The following SNX29 variants were observed in gnomAD, a reference collection of about 807,000 sequenced individuals.
SNX29 encodes sorting nexin-29.
Under a neutral mutation model 102.1 loss-of-function variants are expected in SNX29, and 78 were observed. The ratio of observed to expected loss-of-function variants is 0.76; its 90% CI spans 0.64 to 0.92. The LOEUF (loss-of-function observed/expected upper bound fraction) is 0.92, where lower values mean the gene tolerates loss of function less well. Ranked by LOEUF, SNX29 falls within the 40% of genes least tolerant of loss-of-function variation. The probability of loss-of-function intolerance (pLI) is 0.00; values close to 1 mark genes in which losing one functional copy is unlikely to be tolerated. For missense variants in SNX29, 1,280 were observed against 1,061.7 expected (o/e 1.21, Z -2.86); for synonymous variants, 580 against 414.5 (o/e 1.40, Z -4.85).
chr16:12,363,582 C>T (rs368734143), intron 16 of SNX29, among the ~76,000 whole-genome samples: 13 of 152,306 alleles, frequency 8.5e-5, no homozygotes, highest in South Asian at 2.1e-4. Context: ...GTCCCATTTC[C>T]GACTCCGATC....
chr16:12,015,269 G>A (rs2056808888), intron 3 of SNX29, among the ~76,000 whole-genome samples: 4 of 151,756 alleles, frequency 2.6e-5, no homozygotes, highest in Non-Finnish European at 5.9e-5. Context: ...ATTTTTTGGA[G>A]ATGGTGTCTC....
rs753024013 is a variant in SNX29 at position 12,570,883 on chromosome 16, G to A, written c.*2254G>A. On this transcript the variant is annotated 3_prime_UTR_variant, in exon 21 of 21. Transcript: ENST00000566228. Reference sequence around the variant, plus strand: ...AACTGCCTCCTACTTTTATAATACTGAATTATTCACAAAAAACCTGGTCTG... The same window carrying A: ...AACTGCCTCCTACTTTTATAATACTAAATTATTCACAAAAAACCTGGTCTG... 4.3e-6 allele frequency: 1 copy of A among 231,308 alleles called. No individual in the cohort carries two copies. Among genetic ancestry groups the A allele is most frequent in the South Asian group, 1.8e-4 (1 of 5,494 alleles). The allele number at this position is 231,308 out of a possible 1,614,324, so 14.3% of individuals were successfully genotyped here.
chr16:12,491,688 C>T (rs1298900026), intron 19 of SNX29, among the ~76,000 whole-genome samples: 1 of 151,410 alleles, frequency 6.6e-6, no homozygotes. Flanking sequence ...CTTCCCCCAA[C>T]CCCACAACAG....
chr16:12,304,662 G>A (rs2080284255), intron 15 of SNX29, among the ~76,000 whole-genome samples: 1 of 152,196 alleles, frequency 6.6e-6, no homozygotes, highest in Middle Eastern at 3.4e-3. Context: ...CAAAGTGTTG[G>A]GATTACAGGT....
At chr16:11,998,338 A>G (rs930004803) in intron 1 of SNX29, among the ~76,000 whole-genome samples, 1 of 152,072 alleles carries the variant, frequency 6.6e-6, no homozygotes, top group African/African-American at 2.4e-5. Flanking sequence ...GGCTCTACCA[A>G]CTGTCTGCCT....
At chr16:12,291,494 A>G (rs1452576662) in intron 15 of SNX29, among the ~76,000 whole-genome samples, 1 of 152,184 alleles carries the variant, frequency 6.6e-6, no homozygotes. Context: ...CTACAATTCA[A>G]GGTGAGATTT....
chr16:12,451,691 C>T (rs1230164955), intron 18 of SNX29, among the ~76,000 whole-genome samples: 1 of 152,090 alleles, frequency 6.6e-6, no homozygotes, highest in Non-Finnish European at 1.5e-5. Context: ...GTGAAATCCC[C>T]ATCTCTACTA....
At chr16:12,501,117 A>T (rs770762982) in intron 19 of SNX29, among the ~76,000 whole-genome samples, 1 of 152,124 alleles carries the variant, frequency 6.6e-6, no homozygotes, top group Admixed American at 6.5e-5. Flanking sequence ...ATTCAGATTT[A>T]TTCAAGAATT....
At chr16:12,029,482 A>G (rs1327306279) in intron 4 of SNX29, 2 of 450,178 alleles carry the variant, frequency 4.4e-6, no homozygotes, top group Admixed American at 2.4e-5. Context: ...AGTAGCCAGT[A>G]CAGAATACAG....
chr16:12,125,671 T>C (rs1204152752), intron 11 of SNX29, among the ~76,000 whole-genome samples: 4 of 134,770 alleles, frequency 3.0e-5, no homozygotes, highest in African/African-American at 1.1e-4. Context: ...TCGACCAGGC[T>C]GGTCCTGAAC....
At chr16:12,349,370 C>G (rs1210795761) in intron 15 of SNX29, among the ~76,000 whole-genome samples, 5 of 152,224 alleles carry the variant, frequency 3.3e-5, no homozygotes, top group Admixed American at 2.6e-4. Context: ...AGTGCTAGAT[C>G]TGGACACCCA....
chr16:12,455,984 T>C (rs1047054622), intron 18 of SNX29, among the ~76,000 whole-genome samples: 4 of 152,208 alleles, frequency 2.6e-5, no homozygotes, highest in Non-Finnish European at 5.9e-5. Context: ...AAGGAATTCA[T>C]TGCATAGTAA....
At chr16:12,158,964 A>T (rs1370419367) in intron 13 of SNX29, among the ~76,000 whole-genome samples, 2 of 152,188 alleles carry the variant, frequency 1.3e-5, no homozygotes, top group South Asian at 2.1e-4. Flanking sequence ...TTCTCCAATC[A>T]TGGAGAATGG....
At chr16:12,470,873 C>T (rs898973478) in intron 18 of SNX29, among the ~76,000 whole-genome samples, 8 of 152,212 alleles carry the variant, frequency 5.3e-5, no homozygotes, top group Admixed American at 3.3e-4. Flanking sequence ...TTGCTTATTG[C>T]CTGCCAGGCA....
intron 18 of SNX29, among the ~76,000 whole-genome samples, chr16:12,417,927 C>T (rs1268868262): frequency 1.3e-5 from 2 of 152,134 alleles, no homozygotes; most frequent in Non-Finnish European, 2.9e-5. Flanking sequence ...TGGATGGCTT[C>T]TTGGTACTCC....
At chr16:12,097,216 G>A (rs1232263539) in intron 11 of SNX29, among the ~76,000 whole-genome samples, 5 of 152,252 alleles carry the variant, frequency 3.3e-5, no homozygotes, top group Admixed American at 3.3e-4. Context: ...TCCTGTGAGA[G>A]CTTGCGGTGA....
Position 12,568,703 on chromosome 16 carries a change from C to G in SNX29, c.*74C>G, listed in dbSNP as rs186619116. On this transcript the variant is annotated 3_prime_UTR_variant, in exon 21 of 21. Transcript: ENST00000566228. Reference sequence around the variant, plus strand: ...CCACCCCAGCCACTGCCGCTGGCCCCTCACCTCAGCGTGACAACCACGTCC... The same window carrying G: ...CCACCCCAGCCACTGCCGCTGGCCCGTCACCTCAGCGTGACAACCACGTCC... The G allele has an allele frequency of 3.9e-4, 605 of 1,562,016 alleles. 2 individuals carry two copies. Among genetic ancestry groups the G allele is most frequent in the African/African-American group, 2.2e-3 (165 of 74,052 alleles).
chr16:12,133,281 GTTTTTTTTTTTTTT>G (rs57733463), intron 13 of SNX29, among the ~76,000 whole-genome samples: 1,979 of 66,992 alleles, frequency 0.03, 46 homozygotes, highest in Admixed American at 0.052. Flanking sequence ...CTTAGTGTGG[GTTTTTTTTTTTTTT>G]TTTTTTTTTT....
intron 13 of SNX29, among the ~76,000 whole-genome samples, chr16:12,176,685 T>C (rs2076268203): frequency 1.3e-5 from 2 of 152,204 alleles, no homozygotes; most frequent in African/African-American, 4.8e-5. Context: ...TGAGCACCCT[T>C]GGACTGTGGT....
Sources: allele counts gnomAD v4.1 joint callset (sites outside exome capture counted in the v4.1 genomes callset), GRCh38; gene constraint gnomAD v4.1.1; transcripts MANE v1.5; gene names NCBI Gene and HGNC (gene_info 2026-07-23, HGNC 2026-07-21).